Variants in CFAP43 observed in about 807,000 individuals in gnomAD.
CFAP43 encodes cilia and flagella associated protein 43, also known as cilia- and flagella-associated protein 43.
In CFAP43, 155 loss-of-function variants were observed where a neutral mutation model predicts 218.9. That is an observed-to-expected ratio of 0.71 (90% CI 0.62 to 0.81). The LOEUF (loss-of-function observed/expected upper bound fraction) is 0.81. Among genes scored for constraint, CFAP43 ranks in the 30% least tolerant of loss-of-function variants. The pLI is 0.00. For missense variants in CFAP43, 1,778 were observed against 1,954.3 expected (o/e 0.91, Z 1.70); for synonymous variants, 645 against 681.3 (o/e 0.95, Z 0.83).
At position 104,232,332 on chromosome 10, in the gene CFAP43, G is replaced by C. The variant is rs1036828208; in HGVS notation, c.-86C>G. 1 of 1,335,300 alleles carries C rather than the reference G, an allele frequency of 7.5e-7. No homozygotes were observed. 82.7% of individuals were successfully genotyped at this position (1,335,300 alleles called of 1,614,324 possible). Reference sequence around the variant, plus strand: ...TACCTTTCCGCCGCCGCGGGGCTGCGGGCCGCGACGCCGCTGCTGTGTACA... The same window carrying C: ...TACCTTTCCGCCGCCGCGGGGCTGCCGGCCGCGACGCCGCTGCTGTGTACA... On this transcript the variant is annotated 5_prime_UTR_variant, in exon 1 of 38. Coordinates refer to ENST00000357060, the MANE Select transcript of CFAP43 (RefSeq NM_025145.7).
Position 104,166,620 on chromosome 10 carries a change from T to C in CFAP43, c.2907A>G (p.Val969=). Residue 969 remains valine (V), a synonymous_variant, in exon 23 of 38, where the codon GTA becomes GTG. Transcript: ENST00000357060. ...GGTAATTGGGCAAATTGCTATATTT[T>C]ACTGTCTTGTCTTCCTCTTCCTCTT... The part of the protein sequence containing the change: ...DEEEEEEDKT[V]KYSNLPNYLL... The C allele has an allele frequency of 1.2e-6, 2 of 1,614,194 alleles. No homozygotes were observed. The highest frequency in any genetic ancestry group is 1.1e-5 in the South Asian group (1 of 91,086).
Position 104,130,690 on chromosome 10 carries a change from A to T in CFAP43, c.4832-385T>A, listed in dbSNP as rs150904379. 4.6e-5 allele frequency among the ~76,000 whole-genome samples: 7 copies of T among 152,304 alleles called. No individual in the cohort carries two copies. In the East Asian group the frequency reaches 1.4e-3, roughly 29 times the overall value. On this transcript the variant is annotated intron_variant, in intron 37 of 37. Coordinates refer to ENST00000357060, the MANE Select transcript of CFAP43 (RefSeq NM_025145.7). ...CTAAACAGTGGATACTCATGGACAT[A>T]AAGATGGTAACAGGGAACACTTGGA...
intron 4 of CFAP43, 37 bp downstream of exon 4, chr10:104,214,222 A>G: frequency 2.0e-6 from 3 of 1,521,542 alleles, no homozygotes; most frequent in South Asian, 1.3e-5. Context: ...GCAAACAAAG[A>G]CCACCATGTT....
In CFAP43 at chr10:104,172,414, G is replaced by C; in HGVS notation, c.2582C>G (p.Ala861Gly). 6.2e-7 allele frequency: 1 copy of C among 1,603,966 alleles called. No individual in the cohort carries two copies. Among genetic ancestry groups the C allele is most frequent in the South Asian group, 1.1e-5 (1 of 88,484 alleles). Residue 861 changes from alanine (A) to glycine (G), a missense_variant, in exon 20 of 38, where the codon GCA becomes GGA. By Grantham distance (60) the Ala-to-Gly change is moderately conservative. Transcript: ENST00000357060. The part of the protein sequence containing the change: ...RLHDESQEEV[A>G]KMIKDVEMHN... ...TTAAATTATACTTTTTCATACCTTT[G>C]CCACTTCTTCCTGACTTTCATCATG... is the stretch of plus-strand genomic sequence containing the variant.
chr10:104,193,288 T>C (rs2090283780), intron 11 of CFAP43: 1 of 152,282 alleles, frequency 6.6e-6, no homozygotes, highest in South Asian at 2.1e-4. Context: ...GGCTGGTCTT[T>C]ATGTGTGGAT....
At position 104,182,512 on chromosome 10, in the gene CFAP43, G is replaced by T. The variant is rs891873203; in HGVS notation, c.2143C>A (p.Arg715=). 1 of 1,568,150 alleles carries T rather than the reference G, an allele frequency of 6.4e-7. No homozygotes were observed. The highest frequency in any genetic ancestry group is 2.1e-5 in the Admixed American group (1 of 47,150). The change falls in exon 17 of 38, where the codon CGA becomes AGA. Residue 715 remains arginine (R), a splice_region_variant and synonymous_variant. Coordinates refer to ENST00000357060, the MANE Select transcript of CFAP43 (RefSeq NM_025145.7). ...DGTLVYLKWK[R]FGGHLASEIL... is the part of the protein sequence containing the mutation. ...TCACTGGCTAGGTGTCCTCCAAATC[G>T]CCTATATTAATAAAAAAGAAAACAC...
intron 19 of CFAP43, among the ~76,000 whole-genome samples, chr10:104,175,702 G>A (rs1049269737): frequency 3.3e-5 from 5 of 152,108 alleles, no homozygotes; most frequent in Admixed American, 1.3e-4. Context: ...GTATGGTACC[G>A]CATATTGCTA....
intron 3 of CFAP43, among the ~76,000 whole-genome samples, chr10:104,222,598 C>A (rs949604378): frequency 6.6e-6 from 1 of 152,140 alleles, no homozygotes; most frequent in African/African-American, 2.4e-5. Flanking sequence ...TCACTCCTGC[C>A]CCCTTGTCTC....
chr10:104,197,363 C>T (rs935059486), intron 9 of CFAP43, among the ~76,000 whole-genome samples: 2 of 152,108 alleles, frequency 1.3e-5, no homozygotes, highest in African/African-American at 2.4e-5. Context: ...CCTTCCCCTC[C>T]ACACACCTAC....
At chr10:104,182,768 G>A (rs1378970205) in intron 16 of CFAP43, among the ~76,000 whole-genome samples, 2 of 152,012 alleles carry the variant, frequency 1.3e-5, no homozygotes, top group African/African-American at 2.4e-5. Flanking sequence ...CTGGAGTACA[G>A]TGATGTAATC....
intron 3 of CFAP43, among the ~76,000 whole-genome samples, chr10:104,220,803 A>T (rs74154755): frequency 3.3e-5 from 5 of 152,210 alleles, no homozygotes; most frequent in Admixed American, 1.3e-4. Context: ...ACTCTAGAAC[A>T]TGTTCAATGC....
intron 5 of CFAP43, among the ~76,000 whole-genome samples, chr10:104,210,133 G>A (rs1052510558): frequency 6.6e-6 from 1 of 152,160 alleles, no homozygotes; most frequent in African/African-American, 2.4e-5. Flanking sequence ...TATATATTCA[G>A]TACAGATGCA....
chr10:104,193,919 G>A lies in CFAP43; in HGVS notation c.1389C>T (p.Ser463=), dbSNP rs958615814. The change falls in exon 11 of 38, where the codon TCC becomes TCT. Residue 463 remains serine (S), a synonymous_variant. Coordinates refer to ENST00000357060, the MANE Select transcript of CFAP43 (RefSeq NM_025145.7). ...VYFISVYDKE[S]PQVVHKAFLS... ...GAAAGGCCTTGTGCACGACCTGAGG[G>A]GATTCCTTATCATATACGCTGATGA... 6.2e-7 allele frequency: 1 copy of A among 1,614,132 alleles called. No individual in the cohort carries two copies. Among genetic ancestry groups the A allele is most frequent in the African/African-American group, 1.3e-5 (1 of 75,038 alleles).
At chr10:104,197,794 C>A in intron 9 of CFAP43, 128 bp downstream of exon 9, 1 of 631,430 alleles carries the variant, frequency 1.6e-6, no homozygotes, top group African/African-American at 1.9e-5. Flanking sequence ...AGGACAGCCT[C>A]TGCCTCCTGT....
At chr10:104,206,616 G>A (rs549229436) in intron 6 of CFAP43, among the ~76,000 whole-genome samples, 1 of 152,330 alleles carries the variant, frequency 6.6e-6, no homozygotes, top group Non-Finnish European at 1.5e-5. Flanking sequence ...TGGGTCAGAT[G>A]TAGATTAAGG....
intron 17 of CFAP43, 71 bp downstream of exon 17, chr10:104,182,295 C>T: frequency 2.1e-6 from 3 of 1,442,132 alleles, no homozygotes; most frequent in Non-Finnish European, 2.7e-6. Context: ...TAAAGAAAAC[C>T]ACAAACCGAA....
intron 11 of CFAP43, chr10:104,193,473 T>C (rs1197960722): frequency 1.3e-5 from 2 of 158,988 alleles, no homozygotes; most frequent in Admixed American, 1.2e-4. Flanking sequence ...AAAATCCTTG[T>C]GCCTTATCTT....
At chr10:104,197,480 A>G (rs2090412565) in intron 9 of CFAP43, among the ~76,000 whole-genome samples, 1 of 152,234 alleles carries the variant, frequency 6.6e-6, no homozygotes, top group African/African-American at 2.4e-5. Flanking sequence ...TGTATTATAC[A>G]TGGCAACTAT....
intron 34 of CFAP43, among the ~76,000 whole-genome samples, chr10:104,140,324 T>C (rs1416554451): frequency 1.3e-5 from 2 of 152,224 alleles, no homozygotes; most frequent in South Asian, 2.1e-4. Context: ...CTTAGAATTA[T>C]GGAGGGAGCT....
Sources: gnomAD v4.1 joint callset for allele counts (sites outside exome capture counted in the v4.1 genomes callset) on GRCh38, gnomAD v4.1.1 for gene constraint, MANE v1.5 for transcripts, NCBI Gene and HGNC (gene_info 2026-07-23, HGNC 2026-07-21) for gene names.